Variants in ERC2 observed in about 807,000 individuals in gnomAD.
The protein encoded by ERC2 is ERC protein 2.
Under a neutral mutation model 114.8 loss-of-function variants are expected in ERC2, and 42 were observed. That is an observed-to-expected ratio of 0.37 (90% CI 0.29 to 0.47). The LOEUF (loss-of-function observed/expected upper bound fraction) is 0.47. ERC2 is among the 20% of genes least tolerant of loss of function. The probability of loss-of-function intolerance (pLI) is 0.99; values close to 1 mark genes in which losing one functional copy is unlikely to be tolerated. For synonymous variants in ERC2, 454 were observed against 425.5 expected (o/e 1.07, Z -0.82); for missense variants, 939 against 1,150.7 (o/e 0.82, Z 2.66).
At chr3:56,408,436 G>T (rs1365041988) in intron 2 of ERC2, among the ~76,000 whole-genome samples, 1 of 151,768 alleles carries the variant, frequency 6.6e-6, no homozygotes, top group Non-Finnish European at 1.5e-5. Context: ...GCATAATGTG[G>T]GACTACAGAG....
At chr3:55,529,065 T>C (rs542606388) in intron 17 of ERC2, among the ~76,000 whole-genome samples, 16 of 152,140 alleles carry the variant, frequency 1.1e-4, no homozygotes, top group Non-Finnish European at 2.2e-4. Context: ...GTTGATAGGG[T>C]TTTGTTTCTG....
At chr3:55,839,146 G>C (rs2061022762) in intron 14 of ERC2, among the ~76,000 whole-genome samples, 1 of 151,506 alleles carries the variant, frequency 6.6e-6, no homozygotes, top group Admixed American at 6.6e-5. Flanking sequence ...TTTCCCACCA[G>C]ACACAATAAA....
intron 14 of ERC2, among the ~76,000 whole-genome samples, chr3:55,753,001 C>T (rs186740621): frequency 6.6e-6 from 1 of 152,146 alleles, no homozygotes; most frequent in Admixed American, 6.5e-5. Context: ...ATATTTATTT[C>T]ATTTCTAGGG....
intron 2 of ERC2, among the ~76,000 whole-genome samples, chr3:56,380,249 G>A (rs2059698356): frequency 6.6e-6 from 1 of 152,118 alleles, no homozygotes; most frequent in Non-Finnish European, 1.5e-5. Flanking sequence ...TGAAGGTGTG[G>A]TTGGGCAGCT....
intron 2 of ERC2, among the ~76,000 whole-genome samples, chr3:56,348,628 T>C (rs1454355232): frequency 6.6e-6 from 1 of 151,452 alleles, no homozygotes; most frequent in Non-Finnish European, 1.5e-5. Context: ...TGGTTATATT[T>C]TATTGAACAC....
chr3:56,211,309 CCAAGCTGAGAATCAAAT>C (rs1216480791), intron 3 of ERC2, among the ~76,000 whole-genome samples: 1 of 152,058 alleles, frequency 6.6e-6, no homozygotes, highest in Non-Finnish European at 1.5e-5. Context: ...CCAACAGCAA[CCAAGCTGAGAATCAAAT>C]CAAGAACTCA....
chr3:55,871,225 C>T (rs1364526053), intron 14 of ERC2, among the ~76,000 whole-genome samples: 2 of 152,160 alleles, frequency 1.3e-5, no homozygotes, highest in Admixed American at 6.5e-5. Flanking sequence ...ACATCTAGTA[C>T]AGTGGGAGGT....
At chr3:55,928,443 AT>A (rs747799220) in intron 13 of ERC2, among the ~76,000 whole-genome samples, 4 of 152,054 alleles carry the variant, frequency 2.6e-5, no homozygotes, top group Non-Finnish European at 5.9e-5. Flanking sequence ...TCTTTTGCCC[AT>A]TTTTTAATCG....
chr3:55,636,913 A>C (rs2059980693), intron 17 of ERC2, among the ~76,000 whole-genome samples: 1 of 152,162 alleles, frequency 6.6e-6, no homozygotes, highest in Non-Finnish European at 1.5e-5. Context: ...AAATCACTCC[A>C]AGGGAAGCTA....
chr3:55,734,005 TATC>T (rs2065467315), intron 15 of ERC2, among the ~76,000 whole-genome samples: 1 of 152,200 alleles, frequency 6.6e-6, no homozygotes. Context: ...GGAGGAGAAA[TATC>T]ATCTGAAAAT....
At chr3:55,823,007 A>G (rs2060191885) in intron 14 of ERC2, among the ~76,000 whole-genome samples, 1 of 152,148 alleles carries the variant, frequency 6.6e-6, no homozygotes, top group African/African-American at 2.4e-5. Context: ...GGCTTTGCCA[A>G]TATCATCTGG....
chr3:55,925,276 G>T (rs1030847416), intron 13 of ERC2, among the ~76,000 whole-genome samples: 3 of 152,118 alleles, frequency 2.0e-5, no homozygotes, highest in African/African-American at 7.2e-5. Flanking sequence ...TCAATGGCAG[G>T]GTTATTGAAC....
At chr3:56,342,557 A>G (rs765677452) in intron 2 of ERC2, among the ~76,000 whole-genome samples, 23 of 152,196 alleles carry the variant, frequency 1.5e-4, no homozygotes, top group Non-Finnish European at 3.4e-4. Flanking sequence ...CCTATATAGC[A>G]TTCAACACAC....
intron 3 of ERC2, among the ~76,000 whole-genome samples, chr3:56,238,794 C>A (rs2051135837): frequency 6.6e-6 from 1 of 152,136 alleles, no homozygotes; most frequent in African/African-American, 2.4e-5. Flanking sequence ...ACCTGCTCTA[C>A]AAAATCATTA....
intron 14 of ERC2, among the ~76,000 whole-genome samples, chr3:55,822,849 G>C (rs1178047657): frequency 3.9e-5 from 6 of 152,030 alleles, no homozygotes; most frequent in Non-Finnish European, 7.4e-5. Context: ...TCCTGACCTC[G>C]TGATCCACCC....
chr3:56,051,804 G>A (rs1417300090), intron 7 of ERC2, among the ~76,000 whole-genome samples: 2 of 147,250 alleles, frequency 1.4e-5, no homozygotes, highest in African/African-American at 2.5e-5. Context: ...CCAGCCTGGC[G>A]ACAGAGTGAG....
At chr3:55,708,387 A>G (rs2063596094) in intron 15 of ERC2, among the ~76,000 whole-genome samples, 1 of 152,220 alleles carries the variant, frequency 6.6e-6, no homozygotes, top group South Asian at 2.1e-4. Context: ...TTTCCACCAC[A>G]AAGTTACTTA....
intron 4 of ERC2, among the ~76,000 whole-genome samples, chr3:56,149,524 A>G (rs2081310682): frequency 6.6e-6 from 1 of 152,216 alleles, no homozygotes; most frequent in Non-Finnish European, 1.5e-5. Flanking sequence ...TATAAACACA[A>G]AAACAGTTTA....
chr3:56,315,934 G>A (rs1358389560), intron 2 of ERC2, among the ~76,000 whole-genome samples: 1 of 152,086 alleles, frequency 6.6e-6, no homozygotes, highest in Non-Finnish European at 1.5e-5. Flanking sequence ...ATTATTGAAT[G>A]AAAGAAGAAT....
Sources: gnomAD v4.1 joint callset for allele counts (sites outside exome capture counted in the v4.1 genomes callset) on GRCh38, gnomAD v4.1.1 for gene constraint, MANE v1.5 for transcripts, NCBI Gene and HGNC (gene_info 2026-07-23, HGNC 2026-07-21) for gene names.